CPE: variants seen among roughly 807,000 people sequenced by gnomAD.
CPE encodes carboxypeptidase E.
A neutral mutation model predicts 53.5 loss-of-function variants in CPE; 17 were observed. That is an observed-to-expected ratio of 0.32 (90% CI 0.22 to 0.48). CPE has a LOEUF of 0.48. CPE is among the 20% of genes least tolerant of loss of function. CPE has a pLI of 0.99. For missense variants in CPE, 524 were observed against 614.7 expected (o/e 0.85, Z 1.56); for synonymous variants, 226 against 228.8 (o/e 0.99, Z 0.11).
intron 1 of CPE, among the ~76,000 whole-genome samples, chr4:165,449,969 A>G (rs927379143): frequency 1.3e-5 from 2 of 152,182 alleles, no homozygotes; most frequent in African/African-American, 4.8e-5. Flanking sequence ...TAAAAGAATC[A>G]TGAACTTATT....
intron 1 of CPE, among the ~76,000 whole-genome samples, chr4:165,384,210 T>C (rs1406910219): frequency 6.6e-6 from 1 of 152,238 alleles, no homozygotes; most frequent in Non-Finnish European, 1.5e-5. Flanking sequence ...TTCAGCATGG[T>C]TTGATAGGCA....
chr4:165,495,419 C>A, intron 7 of CPE, 140 bp from the exon 8 acceptor site: 2 of 592,416 alleles, frequency 3.4e-6, no homozygotes, highest in South Asian at 5.3e-5. Context: ...CATTAAATTC[C>A]CTATATATTT....
intron 1 of CPE, among the ~76,000 whole-genome samples, chr4:165,448,635 CA>C (rs113912565): frequency 4.5e-4 from 66 of 145,766 alleles, no homozygotes; most frequent in African/African-American, 1.3e-3. Context: ...AAGAATAAAG[CA>C]AAAAAAAAAC....
chr4:165,387,190 G>A (rs971927721), intron 1 of CPE, among the ~76,000 whole-genome samples: 1 of 152,120 alleles, frequency 6.6e-6, no homozygotes, highest in African/African-American at 2.4e-5. Flanking sequence ...ATTTTCAAAT[G>A]ATTTACCCAC....
rs1179041967 is a variant in CPE at position 165,452,735 on chromosome 4, TGC to T, written c.308-11654_308-11653del. Reference sequence around the variant, plus strand: ...TCAGCTGTTGAAATTCCCACCAGTCTGCTGGCATCATTGCATCCCTCCCAATT... The same window carrying T: ...TCAGCTGTTGAAATTCCCACCAGTCTTGGCATCATTGCATCCCTCCCAATT... On this transcript the variant is annotated intron_variant, in intron 1 of 8. Coordinates refer to ENST00000402744, the MANE Select transcript of CPE (RefSeq NM_001873.4). Among the ~76,000 whole-genome samples, 100 of 152,316 alleles carry T rather than the reference TGC, an allele frequency of 6.6e-4. 1 individual carries two copies. In the East Asian group the frequency reaches 0.013, roughly 20 times the overall value.
intron 1 of CPE, among the ~76,000 whole-genome samples, chr4:165,453,332 T>C (rs776869673): frequency 8.7e-5 from 13 of 149,454 alleles, no homozygotes; most frequent in African/African-American, 2.8e-4. Flanking sequence ...TCCTTCCTTC[T>C]TTCCTTCCTT....
At chr4:165,483,313 C>T (rs1732452885) in intron 4 of CPE, among the ~76,000 whole-genome samples, 1 of 152,184 alleles carries the variant, frequency 6.6e-6, no homozygotes, top group African/African-American at 2.4e-5. Flanking sequence ...TTGCAAAATA[C>T]ATGATTTCAT....
chr4:165,436,655 C>A lies in CPE; in HGVS notation c.308-27735C>A, dbSNP rs141926349. On this transcript the variant is annotated intron_variant, in intron 1 of 8. Coordinates refer to ENST00000402744, the MANE Select transcript of CPE (RefSeq NM_001873.4). The stretch of plus-strand genomic sequence containing the variant: ...CTTTTTGGAAGAATCATTTCTGGAT[C>A]ATCTTAGACAGAAAAATCTTTTTAA... 4.8e-4 allele frequency among the ~76,000 whole-genome samples: 73 copies of A among 152,266 alleles called. 2 individuals are homozygous for A. In the East Asian group the frequency reaches 9.8e-3, roughly 21 times the overall value.
At chr4:165,417,355 A>G (rs1290677504) in intron 1 of CPE, among the ~76,000 whole-genome samples, 7 of 152,214 alleles carry the variant, frequency 4.6e-5, no homozygotes, top group African/African-American at 1.2e-4. Flanking sequence ...AGACAGAGCT[A>G]TTCATTATAG....
At chr4:165,423,438 A>G (rs939753146) in intron 1 of CPE, among the ~76,000 whole-genome samples, 1 of 151,818 alleles carries the variant, frequency 6.6e-6, no homozygotes, top group Non-Finnish European at 1.5e-5. Context: ...CAGTTTCATC[A>G]TATGGTTATT....
chr4:165,418,922 A>G (rs563151224), intron 1 of CPE, among the ~76,000 whole-genome samples: 6 of 152,190 alleles, frequency 3.9e-5, no homozygotes, highest in Non-Finnish European at 8.8e-5. Context: ...TGAAAAAAAT[A>G]TTATAAATAT....
chr4:165,415,555 T>A (rs556038235), intron 1 of CPE, among the ~76,000 whole-genome samples: 2 of 152,174 alleles, frequency 1.3e-5, no homozygotes, highest in Non-Finnish European at 2.9e-5. Flanking sequence ...TATTATATAT[T>A]CCATGTCTTC....
At chr4:165,415,957 C>T (rs1362817844) in intron 1 of CPE, among the ~76,000 whole-genome samples, 1 of 152,088 alleles carries the variant, frequency 6.6e-6, no homozygotes, top group Non-Finnish European at 1.5e-5. Context: ...CTAGATCCCC[C>T]AGAGGTAAAC....
At chr4:165,424,878 A>G (rs1579255236) in intron 1 of CPE, among the ~76,000 whole-genome samples, 2 of 109,834 alleles carry the variant, frequency 1.8e-5, no homozygotes. Flanking sequence ...AAAAGTAGAA[A>G]CTTTTTTTTT....
intron 1 of CPE, chr4:165,386,171 T>C (rs1290341040): frequency 2.0e-6 from 1 of 493,370 alleles, no homozygotes; most frequent in Admixed American, 2.5e-5. Context: ...GTGGTAAATA[T>C]AAAGTTCTTA....
At chr4:165,469,296 G>A (rs1732159237) in intron 3 of CPE, among the ~76,000 whole-genome samples, 1 of 152,106 alleles carries the variant, frequency 6.6e-6, no homozygotes, top group South Asian at 2.1e-4. Flanking sequence ...GGGTATTTCT[G>A]CTTTCATATG....
At position 165,403,647 on chromosome 4, in the gene CPE, A is replaced by T. The variant is rs116275053; in HGVS notation, c.307+24119A>T. On this transcript the variant is annotated intron_variant, in intron 1 of 8. Transcript: ENST00000402744. ...AAAGAGGATGTTGAAAGCCTCTTGT[A>T]ATTCATGTTTTTAATTTCATTCTTT... Among the ~76,000 whole-genome samples, 750 of 151,720 alleles carry T rather than the reference A, an allele frequency of 4.9e-3. 10 individuals carry two copies. The highest frequency in any genetic ancestry group is 0.017 in the African/African-American group (716 of 41,344).
At chr4:165,417,913 GACTT>G (rs1046690282) in intron 1 of CPE, among the ~76,000 whole-genome samples, 10 of 152,124 alleles carry the variant, frequency 6.6e-5, no homozygotes, top group African/African-American at 2.4e-4. Context: ...AACAAAGTCT[GACTT>G]ACTTTTTTGT....
intron 1 of CPE, among the ~76,000 whole-genome samples, chr4:165,456,641 A>G (rs1441507344): frequency 1.3e-5 from 2 of 150,432 alleles, no homozygotes; most frequent in Admixed American, 6.6e-5. Flanking sequence ...ATCTCGGCTC[A>G]TTGCAAGCTC....
Sources: gnomAD v4.1 joint callset for allele counts (sites outside exome capture counted in the v4.1 genomes callset) on GRCh38, gnomAD v4.1.1 for gene constraint, MANE v1.5 for transcripts, NCBI Gene and HGNC (gene_info 2026-07-23, HGNC 2026-07-21) for gene names.